Variants in PAK2 observed in about 807,000 individuals in gnomAD.
PAK2 encodes p21 (RAC1) activated kinase 2.
Under a neutral mutation model 65.9 loss-of-function variants are expected in PAK2, and 21 were observed. The observed-to-expected ratio is 0.32, with a 90% CI of 0.23 to 0.46. PAK2 has a LOEUF of 0.46. Among genes scored for constraint, PAK2 ranks in the 20% least tolerant of loss-of-function variants. PAK2 has a pLI of 1.00. For missense variants in PAK2, 324 were observed against 642.6 expected (o/e 0.50, Z 5.36); for synonymous variants, 204 against 219.7 (o/e 0.93, Z 0.63).
At chr3:196,764,735 T>A (rs1714099179) in intron 1 of PAK2, among the ~76,000 whole-genome samples, 1 of 151,764 alleles carries the variant, frequency 6.6e-6, no homozygotes, top group South Asian at 2.1e-4. Flanking sequence ...CCCAGGCTGG[T>A]CTCTAACTAG....
intron 1 of PAK2, among the ~76,000 whole-genome samples, chr3:196,761,614 C>T (rs1189429331): frequency 1.5e-5 from 2 of 132,620 alleles, no homozygotes; most frequent in African/African-American, 5.6e-5. Context: ...CCTTTCCCGC[C>T]TTTCTATTCC....
rs112180328 is a variant in PAK2, at chr3:196,786,826, CT to C, written c.187+4006del. 1.1e-3 allele frequency among the ~76,000 whole-genome samples: 160 copies of C among 146,380 alleles called. 1 individual carries two copies. Among genetic ancestry groups the C allele is most frequent in the South Asian group, 0.011 (49 of 4,606 alleles). ...TGTCTTGATTACTATATCTTACAAT[CT>C]TTTTTTTTTTTTCTTTGAGGCAGGG... is the stretch of plus-strand genomic sequence containing the variant. On this transcript the variant is annotated intron_variant, in intron 2 of 14. Coordinates refer to ENST00000327134, the MANE Select transcript of PAK2 (RefSeq NM_002577.4).
chr3:196,827,152 G>C (rs781425478), intron 13 of PAK2, 44 bp from the exon 14 acceptor site: 94 of 1,421,076 alleles, frequency 6.6e-5, no homozygotes, highest in Non-Finnish European at 3.9e-6. Context: ...CTGTGACCGT[G>C]TTGAGCTATC....
chr3:196,762,224 G>C (rs1714001067), intron 1 of PAK2, among the ~76,000 whole-genome samples: 1 of 107,260 alleles, frequency 9.3e-6, no homozygotes, highest in African/African-American at 3.3e-5. Flanking sequence ...TGGGCAGCCA[G>C]GCAGAGGGGC....
chr3:196,740,457 G>C (rs1560084972), intron 1 of PAK2, among the ~76,000 whole-genome samples: 1 of 151,930 alleles, frequency 6.6e-6, no homozygotes, highest in African/African-American at 2.4e-5. Flanking sequence ...GGTCTCTGCC[G>C]ACTCTCGGTC....
At chr3:196,776,775 T>C (rs1714551034) in intron 1 of PAK2, among the ~76,000 whole-genome samples, 1 of 152,216 alleles carries the variant, frequency 6.6e-6, no homozygotes, top group Non-Finnish European at 1.5e-5. Flanking sequence ...CATTCAAAAT[T>C]CAAGAGAGTC....
chr3:196,752,519 C>T (rs1200193977), intron 1 of PAK2, among the ~76,000 whole-genome samples: 1 of 152,182 alleles, frequency 6.6e-6, no homozygotes, highest in Non-Finnish European at 1.5e-5. Flanking sequence ...GCTTGGGACA[C>T]AGAATATTGT....
At chr3:196,825,971 G>A (rs1013879643) in intron 13 of PAK2, among the ~76,000 whole-genome samples, 27 of 151,748 alleles carry the variant, frequency 1.8e-4, no homozygotes, top group African/African-American at 5.6e-4. Context: ...AGCCTCCCGA[G>A]TAGCTGGAAC....
At position 196,831,175 on chromosome 3, in the gene PAK2, A is replaced by T. The variant is rs922653162; in HGVS notation, c.*2770A>T. 1.1e-4 allele frequency: 17 copies of T among 152,240 alleles called. No individual in the cohort carries two copies. The highest frequency in any genetic ancestry group is 4.1e-4 in the African/African-American group (17 of 41,450). The allele number at this position is 152,240 out of a possible 1,614,324, so 9.4% of individuals were successfully genotyped here. A position where few individuals can be genotyped will look rare whatever the true frequency, so the allele number is the denominator to read the frequency against. ...AGTGCTGCAGTTACAGGCGTGAGCC[A>T]CTGCACCTGGCCTCATGTTTTTTAA... On this transcript the variant is annotated 3_prime_UTR_variant, in exon 15 of 15. Transcript: ENST00000327134.
In PAK2 at chr3:196,803,022, G is replaced by T; in HGVS notation, c.294G>T (p.Met98Ile). 6.3e-7 allele frequency: 1 copy of T among 1,588,988 alleles called. No homozygotes were observed. The highest frequency in any genetic ancestry group is 8.5e-7 in the Non-Finnish European group (1 of 1,170,100). ...FDAVTGEFTG[M>I]PEQWARLLQT... ...TCTGAATATCTTCTTGTTAGGGCAT[G>T]CCAGAACAGTGGGCTCGATTACTAC... The change falls in exon 4 of 15, where the codon ATG becomes ATT. Residue 98 changes from methionine to isoleucine, a missense_variant. Coordinates refer to ENST00000327134, the MANE Select transcript of PAK2 (RefSeq NM_002577.4).
chr3:196,756,980 C>T (rs992829350), intron 1 of PAK2, among the ~76,000 whole-genome samples: 2 of 152,184 alleles, frequency 1.3e-5, no homozygotes, highest in Non-Finnish European at 2.9e-5. Flanking sequence ...GAGAGCACAC[C>T]TGAACAAGGG....
At chr3:196,815,031 T>A (rs1715956835) in intron 11 of PAK2, among the ~76,000 whole-genome samples, 1 of 150,846 alleles carries the variant, frequency 6.6e-6, no homozygotes, top group Admixed American at 6.6e-5. Flanking sequence ...TACAAAAAAA[T>A]TAGCCGGGCG....
rs1560122564 is a variant in PAK2 at position 196,829,587 on chromosome 3, A to AC, written c.*1183dup. On this transcript the variant is annotated 3_prime_UTR_variant, in exon 15 of 15. Coordinates refer to ENST00000327134, the MANE Select transcript of PAK2 (RefSeq NM_002577.4). Reference sequence around the variant, plus strand: ...ACTCATGAAAGAGAATGTTAGTGTTACAGAGAAGCAGCCGATAGCAAATCG... The same window carrying AC: ...ACTCATGAAAGAGAATGTTAGTGTTACCAGAGAAGCAGCCGATAGCAAATCG... The AC allele has an allele frequency of 1.3e-5, 2 of 152,312 alleles. No homozygotes were observed. Among genetic ancestry groups the AC allele is most frequent in the Non-Finnish European group, 2.9e-5 (2 of 68,040 alleles). 9.4% of individuals were successfully genotyped at this position (152,312 alleles called of 1,614,324 possible). A position where few individuals can be genotyped will look rare whatever the true frequency, so the allele number is the denominator to read the frequency against.
chr3:196,812,753 A>G lies in PAK2; in HGVS notation c.837A>G (p.Gln279=). 6.7e-7 allele frequency: 1 copy of G among 1,483,136 alleles called. No homozygotes were observed. The highest frequency in any genetic ancestry group is 9.4e-7 in the Non-Finnish European group (1 of 1,065,290). The allele number at this position is 1,483,136 out of a possible 1,614,324, so 91.9% of individuals were successfully genotyped here. Reference sequence around the variant, plus strand: ...TTTCATTATAGGTTGCTATCAAACAAATTAATTTACAGAAACAGCCAAAGA... The same window carrying G: ...TTTCATTATAGGTTGCTATCAAACAGATTAATTTACAGAAACAGCCAAAGA... The part of the protein sequence containing the change: ...VALGQEVAIK[Q]INLQKQPKKE... The change falls in exon 10 of 15, where the codon CAA becomes CAG. Residue 279 remains glutamine (Q), a synonymous_variant. Transcript: ENST00000327134.
At chr3:196,766,667 A>T (rs1714179182) in intron 1 of PAK2, among the ~76,000 whole-genome samples, 1 of 152,066 alleles carries the variant, frequency 6.6e-6, no homozygotes, top group Admixed American at 6.6e-5. Flanking sequence ...ATATTCAGAG[A>T]AATCTAGGTT....
At chr3:196,780,777 A>AT (rs931224788) in intron 1 of PAK2, among the ~76,000 whole-genome samples, 1 of 152,096 alleles carries the variant, frequency 6.6e-6, no homozygotes, top group Non-Finnish European at 1.5e-5. Context: ...AGCTTCTCAA[A>AT]TTTTTTTATT....
At chr3:196,749,802 A>T (rs1168023176) in intron 1 of PAK2, among the ~76,000 whole-genome samples, 1 of 150,040 alleles carries the variant, frequency 6.7e-6, no homozygotes, top group African/African-American at 2.5e-5. Context: ...ACCCATTCCA[A>T]TAGGTAGTAG....
At chr3:196,806,132 T>A (rs1164010493) in intron 5 of PAK2, among the ~76,000 whole-genome samples, 1 of 151,822 alleles carries the variant, frequency 6.6e-6, no homozygotes, top group East Asian at 1.9e-4. Context: ...AGGATGGTCT[T>A]GATCTCCTGA....
At chr3:196,774,059 G>T (rs1215781905) in intron 1 of PAK2, among the ~76,000 whole-genome samples, 1 of 152,080 alleles carries the variant, frequency 6.6e-6, no homozygotes, top group Non-Finnish European at 1.5e-5. Context: ...AAAAAAATCT[G>T]TGGACACAGT....
Sources: gnomAD v4.1 joint callset for allele counts (sites outside exome capture counted in the v4.1 genomes callset) on GRCh38, gnomAD v4.1.1 for gene constraint, MANE v1.5 for transcripts, NCBI Gene and HGNC (gene_info 2026-07-23, HGNC 2026-07-21) for gene names.